The following PIWIL2 variants were observed in gnomAD, a reference collection of about 807,000 sequenced individuals.
PIWIL2 encodes the protein piwi-like protein 2.
Under a neutral mutation model 116.5 loss-of-function variants are expected in PIWIL2, and 81 were observed. The ratio of observed to expected loss-of-function variants is 0.70; its 90% CI spans 0.58 to 0.84. The LOEUF (loss-of-function observed/expected upper bound fraction) is 0.84. PIWIL2 is among the 40% of genes least tolerant of loss of function. The probability of loss-of-function intolerance (pLI) is 0.00; values close to 1 mark genes in which losing one functional copy is unlikely to be tolerated. For missense variants in PIWIL2, 1,272 were observed against 1,212.3 expected (o/e 1.05, Z -0.73); for synonymous variants, 489 against 429.5 (o/e 1.14, Z -1.71).
intron 21 of PIWIL2, among the ~76,000 whole-genome samples, chr8:22,353,436 G>C (rs1832419300): frequency 6.6e-6 from 1 of 152,072 alleles, no homozygotes; most frequent in Admixed American, 6.6e-5. Context: ...ATCACCTGAG[G>C]TCAGGAGTTC....
At chr8:22,348,188 C>A (rs989614217) in intron 20 of PIWIL2, among the ~76,000 whole-genome samples, 1 of 151,998 alleles carries the variant, frequency 6.6e-6, no homozygotes, top group African/African-American at 2.4e-5. Context: ...GTAATCCCAG[C>A]TACTCGGGGG....
At position 22,290,247 on chromosome 8, in the gene PIWIL2, C is replaced by T. The variant is rs373581975; in HGVS notation, c.1082C>T (p.Pro361Leu). The change falls in exon 10 of 23, where the codon CCA becomes CTA. Residue 361 changes from proline (P) to leucine (L), a missense_variant. By Grantham distance (98) the Pro-to-Leu change is moderately conservative. Transcript: ENST00000356766. ...TCTCTCTCCAGATTGCAGATCTGGC[C>T]AGGCTATGCAGCTAGCATCCGAAGG... ...VLQQHRLQIW[P>L]GYAASIRRTD... The T allele has an allele frequency of 3.1e-6, 5 of 1,605,824 alleles. No individual in the cohort carries two copies. The highest frequency in any genetic ancestry group is 4.3e-6 in the Non-Finnish European group (5 of 1,173,154).
At chr8:22,295,761 G>T (rs1242133422) in intron 10 of PIWIL2, among the ~76,000 whole-genome samples, 1 of 152,170 alleles carries the variant, frequency 6.6e-6, no homozygotes, top group Non-Finnish European at 1.5e-5. Context: ...GAAGAGCTCG[G>T]TGTTTAAAAA....
At chr8:22,305,253 C>T (rs867487834) in intron 12 of PIWIL2, among the ~76,000 whole-genome samples, 3 of 151,616 alleles carry the variant, frequency 2.0e-5, no homozygotes, top group African/African-American at 7.3e-5. Context: ...AGTGCAGCAG[C>T]GCAATCTCAG....
chr8:22,318,058 T>C (rs1208198763), intron 19 of PIWIL2, 112 bp from the exon 20 acceptor site: 3 of 630,936 alleles, frequency 4.8e-6, no homozygotes, highest in Non-Finnish European at 8.5e-6. Flanking sequence ...TAGGTACTTG[T>C]TTTTGGATTG....
At chr8:22,347,213 ATT>A (rs35121396) in intron 20 of PIWIL2, among the ~76,000 whole-genome samples, 9 of 135,176 alleles carry the variant, frequency 6.7e-5, no homozygotes, top group Non-Finnish European at 7.9e-5. Flanking sequence ...CATTAACATA[ATT>A]TTTTTTTTTT....
At chr8:22,352,304 A>C (rs1282402098) in intron 20 of PIWIL2, among the ~76,000 whole-genome samples, 1 of 152,234 alleles carries the variant, frequency 6.6e-6, no homozygotes, top group Non-Finnish European at 1.5e-5. Flanking sequence ...TAAATGGGGG[A>C]AAAATTATTC....
At position 22,355,605 on chromosome 8, in the gene PIWIL2, A is replaced by T; in HGVS notation, c.*100A>T. 9.2e-7 allele frequency: 1 copy of T among 1,082,576 alleles called. No individual in the cohort carries two copies. Among genetic ancestry groups the T allele is most frequent in the Middle Eastern group, 3.0e-4 (1 of 3,348 alleles). The allele number at this position is 1,082,576 out of a possible 1,614,324, so 67.1% of individuals were successfully genotyped here. On this transcript the variant is annotated 3_prime_UTR_variant, in exon 23 of 23. Transcript: ENST00000356766. ...AGAGACTGAAGTGGGCTTTTGTGTT[A>T]TAATTTTCCCTTTCTCCAACCCTGT...
chr8:22,294,813 G>C lies in PIWIL2; in HGVS notation c.1181+4467G>C, dbSNP rs562483821. 1.8e-4 allele frequency among the ~76,000 whole-genome samples: 25 copies of C among 136,848 alleles called. 1 individual carries two copies. In the South Asian group the frequency reaches 5.6e-3, roughly 30 times the overall value. 89.8% of individuals were successfully genotyped at this position (136,848 alleles called of 152,430 possible). A position where few individuals can be genotyped will look rare whatever the true frequency, so the allele number is the denominator to read the frequency against. ...CAGTGGCTCATGCCTGTCATCCCAG[G>C]ACTTTGGGAGGCCGAGGCAGGCGGA... On this transcript the variant is annotated intron_variant, in intron 10 of 22. Transcript: ENST00000356766.
intron 1 of PIWIL2, among the ~76,000 whole-genome samples, chr8:22,277,448 A>G (rs972356141): frequency 6.6e-6 from 1 of 152,238 alleles, no homozygotes; most frequent in Non-Finnish European, 1.5e-5. Flanking sequence ...GAGACTGAGC[A>G]AGTATTGTAG....
At chr8:22,320,403 G>T (rs959383127) in intron 20 of PIWIL2, among the ~76,000 whole-genome samples, 1 of 151,658 alleles carries the variant, frequency 6.6e-6, no homozygotes, top group Admixed American at 6.6e-5. Context: ...GAGTAGCTGG[G>T]ATTACCTGCA....
In PIWIL2 at chr8:22,296,020, C is replaced by CTTTTTTT. The variant is rs67357452; in HGVS notation, c.1181+5706_1181+5712dup. Among the ~76,000 whole-genome samples the CTTTTTTT allele has an allele frequency of 4.4e-4, 45 of 102,832 alleles. 1 individual carries two copies. The highest frequency in any genetic ancestry group is 7.5e-4 in the Non-Finnish European group (37 of 49,144). The allele number at this position is 102,832 out of a possible 152,430, so 67.5% of individuals were successfully genotyped here. ...ACTGTCTTGGGGTTCCTCTTCCCTTCTTTTTTTTTTTTTTTTTTTTTTTTT... is the reference window on the plus strand; with the variant it reads ...ACTGTCTTGGGGTTCCTCTTCCCTTCTTTTTTTTTTTTTTTTTTTTTTTTTTTTTTTT... On this transcript the variant is annotated intron_variant, in intron 10 of 22. Transcript: ENST00000356766.
chr8:22,314,254 A>G, intron 16 of PIWIL2, 74 bp from the exon 17 acceptor site: 1 of 671,424 alleles, frequency 1.5e-6, no homozygotes, highest in Non-Finnish European at 2.4e-6. Flanking sequence ...TACTCAGAAT[A>G]CTGCCAACTA....
chr8:22,315,067 T>G lies in PIWIL2; in HGVS notation c.2130T>G (p.Leu710=). Residue 710 remains leucine (L), a synonymous_variant, in exon 18 of 23, where the codon CTT becomes CTG. Transcript: ENST00000356766. ...GAACCATTGGTCAGCCCACCAGGCT[T>G]CGGAGTGTGGCCCAGAAGATTTTAC... is the stretch of plus-strand genomic sequence containing the variant. The part of the protein sequence containing the change: ...NVRTIGQPTR[L]RSVAQKILLQ... The G allele has an allele frequency of 1.9e-6, 3 of 1,613,902 alleles. No individual in the cohort carries two copies. The highest frequency in any genetic ancestry group is 2.5e-6 in the Non-Finnish European group (3 of 1,179,804).
At chr8:22,319,310 T>A (rs1563396780) in intron 20 of PIWIL2, among the ~76,000 whole-genome samples, 1 of 152,266 alleles carries the variant, frequency 6.6e-6, no homozygotes. Flanking sequence ...TTATTTTTTT[T>A]TAAAGTCTGT....
chr8:22,278,623 C>G (rs1325056605), intron 1 of PIWIL2, among the ~76,000 whole-genome samples: 1 of 152,234 alleles, frequency 6.6e-6, no homozygotes, highest in Non-Finnish European at 1.5e-5. Flanking sequence ...ACACGGGCCT[C>G]TAAGGCAGGG....
At position 22,289,860 on chromosome 8, in the gene PIWIL2, T is replaced by A. The variant is rs1260030627; in HGVS notation, c.1000T>A (p.Leu334Ile). ...NVVFRRVMKL[L>I]DMKLVGRNFY... ...TTTTTATTTCAGGGTAATGAAACTT[T>A]TAGATATGAAGCTTGTGGGGAGAAA... Residue 334 changes from leucine to isoleucine, a missense_variant, in exon 9 of 23, where the codon TTA (leucine) becomes ATA (isoleucine). Transcript: ENST00000356766. The A allele has an allele frequency of 2.5e-6, 4 of 1,605,094 alleles. No homozygotes were observed. In the South Asian group the frequency reaches 4.4e-5, roughly 18 times the overall value.
intron 13 of PIWIL2, among the ~76,000 whole-genome samples, chr8:22,306,634 G>A (rs1028661454): frequency 6.6e-6 from 1 of 152,304 alleles, no homozygotes; most frequent in South Asian, 2.1e-4. Flanking sequence ...CCTCTCTGCT[G>A]CCTCACTTTC....
At chr8:22,290,784 C>G (rs915586113) in intron 10 of PIWIL2, among the ~76,000 whole-genome samples, 2 of 151,792 alleles carry the variant, frequency 1.3e-5, no homozygotes, top group East Asian at 3.9e-4. Context: ...AATAACTGAA[C>G]TGAATATATG....
Sources: gnomAD v4.1 joint callset for allele counts (sites outside exome capture counted in the v4.1 genomes callset) on GRCh38, gnomAD v4.1.1 for gene constraint, MANE v1.5 for transcripts, NCBI Gene and HGNC (gene_info 2026-07-23, HGNC 2026-07-21) for gene names.